The following TSHZ2 variants were observed in gnomAD, a reference collection of about 807,000 sequenced individuals.
The protein encoded by TSHZ2 is teashirt homolog 2.
In TSHZ2, 21 loss-of-function variants were observed where a neutral mutation model predicts 74.4. The ratio of observed to expected loss-of-function variants is 0.28; its 90% CI spans 0.20 to 0.41. TSHZ2 has a LOEUF of 0.41. TSHZ2 is among the 10% of genes least tolerant of loss of function. The pLI is 1.00. For synonymous variants in TSHZ2, 540 were observed against 515.3 expected, an observed-to-expected ratio of 1.05 and a Z score of -0.65; for missense variants, 1,244 against 1,293.5, an observed-to-expected ratio of 0.96 and a Z score of 0.59.
intron 1 of TSHZ2, among the ~76,000 whole-genome samples, chr20:52,975,586 C>G (rs2122856328): frequency 6.6e-6 from 1 of 151,886 alleles, no homozygotes. Flanking sequence ...TATTATATTC[C>G]TACTGTCTTT....
At position 53,270,053 on chromosome 20, in the gene TSHZ2, T is replaced by A. The variant is rs538863845; in HGVS notation, c.*8+13482T>A. On this transcript the variant is annotated intron_variant, in intron 2 of 2. Coordinates refer to ENST00000371497, the MANE Select transcript of TSHZ2 (RefSeq NM_173485.6). ...CATTTTTCAATAAAACTGGGAGCTA[T>A]GTAGGAATCTGGCCACAGTGAAATG... Among the ~76,000 whole-genome samples the A allele has an allele frequency of 2.0e-5, 3 of 152,284 alleles. No individual in the cohort carries two copies. In the East Asian group the frequency reaches 5.8e-4, roughly 30 times the overall value.
intron 2 of TSHZ2, among the ~76,000 whole-genome samples, chr20:53,332,663 C>T (rs532499108): frequency 7.2e-5 from 11 of 152,254 alleles, no homozygotes; most frequent in African/African-American, 1.9e-4. Flanking sequence ...CTAAGAAGCC[C>T]GAGTGTGCTA....
chr20:53,277,075 G>C (rs1483157774), intron 2 of TSHZ2, among the ~76,000 whole-genome samples: 1 of 152,168 alleles, frequency 6.6e-6, no homozygotes, highest in Admixed American at 6.5e-5. Flanking sequence ...AAGTTTGCTT[G>C]AGTCTGCTGA....
intron 1 of TSHZ2, among the ~76,000 whole-genome samples, chr20:53,135,007 GACACACAC>G (rs139347142): frequency 1.5e-4 from 22 of 148,716 alleles, no homozygotes; most frequent in South Asian, 1.1e-3. Flanking sequence ...TGCACATGCA[GACACACAC>G]ACACACACAC....
chr20:53,207,754 G>T (rs1177741940), intron 1 of TSHZ2, among the ~76,000 whole-genome samples: 1 of 151,826 alleles, frequency 6.6e-6, no homozygotes, highest in Non-Finnish European at 1.5e-5. Context: ...ATAGCTTACT[G>T]CAGCCCTGGG....
chr20:53,368,726 G>A (rs1981364584), intron 2 of TSHZ2, among the ~76,000 whole-genome samples: 1 of 152,184 alleles, frequency 6.6e-6, no homozygotes, highest in Non-Finnish European at 1.5e-5. Context: ...AAGATGCTCT[G>A]GGAGGTTTTC....
At chr20:53,303,073 G>A (rs1351804896) in intron 2 of TSHZ2, among the ~76,000 whole-genome samples, 1 of 152,184 alleles carries the variant, frequency 6.6e-6, no homozygotes, top group East Asian at 1.9e-4. Context: ...TTCAGATGTA[G>A]CGCTGCATTT....
At chr20:53,196,717 G>A (rs1988880237) in intron 1 of TSHZ2, among the ~76,000 whole-genome samples, 1 of 152,168 alleles carries the variant, frequency 6.6e-6, no homozygotes, top group African/African-American at 2.4e-5. Context: ...CACAACATGT[G>A]GGTCAGTGTT....
At chr20:53,340,018 A>G (rs1038638261) in intron 2 of TSHZ2, among the ~76,000 whole-genome samples, 8 of 152,014 alleles carry the variant, frequency 5.3e-5, no homozygotes, top group Admixed American at 2.0e-4. Context: ...TTGTCTCAAG[A>G]ATCTTGCTTT....
chr20:53,262,255 A>G (rs1295677262), intron 2 of TSHZ2, among the ~76,000 whole-genome samples: 1 of 150,766 alleles, frequency 6.6e-6, no homozygotes, highest in African/African-American at 2.4e-5. Context: ...AAAGCTTTCC[A>G]CGATGCTTTT....
chr20:53,300,344 T>C (rs967142466), intron 2 of TSHZ2, among the ~76,000 whole-genome samples: 2 of 152,226 alleles, frequency 1.3e-5, no homozygotes, highest in African/African-American at 4.8e-5. Flanking sequence ...ATATGGCTTT[T>C]AAGGTCAGAA....
chr20:53,122,871 C>T (rs1986850160), intron 1 of TSHZ2, among the ~76,000 whole-genome samples: 1 of 152,182 alleles, frequency 6.6e-6, no homozygotes, highest in Admixed American at 6.5e-5. Flanking sequence ...CACTCTCAAC[C>T]CCCACTTCTG....
At chr20:53,098,098 C>G (rs183808612) in intron 1 of TSHZ2, 24 of 152,206 alleles carry the variant, frequency 1.6e-4, no homozygotes, top group African/African-American at 5.5e-4. Context: ...AAACTCGGCT[C>G]CCACCATTCT....
At chr20:53,199,119 T>A (rs527810130) in intron 1 of TSHZ2, among the ~76,000 whole-genome samples, 1 of 152,322 alleles carries the variant, frequency 6.6e-6, no homozygotes, top group South Asian at 2.1e-4. Flanking sequence ...TACAAAGCCA[T>A]CGTTACAGAG....
chr20:53,290,468 G>GA (rs942825332), intron 2 of TSHZ2, among the ~76,000 whole-genome samples: 33 of 151,058 alleles, frequency 2.2e-4, no homozygotes, highest in African/African-American at 6.8e-4. Context: ...CAAACTACTA[G>GA]AAAAAAAAGG....
chr20:52,986,401 CA>C (rs34991984), intron 1 of TSHZ2, among the ~76,000 whole-genome samples: 10,947 of 120,604 alleles, frequency 0.091, 590 homozygotes, highest in African/African-American at 0.16. Context: ...AAGAATCCAT[CA>C]AAAAAAAAAA....
intron 1 of TSHZ2, among the ~76,000 whole-genome samples, chr20:53,027,204 T>C (rs1983477774): frequency 6.6e-6 from 1 of 152,194 alleles, no homozygotes; most frequent in African/African-American, 2.4e-5. Flanking sequence ...GCCAGAGCTG[T>C]GTTTATGGGT....
intron 1 of TSHZ2, among the ~76,000 whole-genome samples, chr20:53,233,119 T>C (rs1026861901): frequency 1.1e-4 from 16 of 152,232 alleles, no homozygotes; most frequent in Admixed American, 2.6e-4. Context: ...CTGGCAGCCA[T>C]TTTAAGATAC....
intron 1 of TSHZ2, among the ~76,000 whole-genome samples, chr20:53,117,985 G>A (rs1568767910): frequency 2.0e-5 from 3 of 152,212 alleles, no homozygotes; most frequent in Admixed American, 2.0e-4. Flanking sequence ...TTACAGTTGG[G>A]CCACATGGAG....
Sources: gnomAD v4.1 joint callset for allele counts (sites outside exome capture counted in the v4.1 genomes callset) on GRCh38, gnomAD v4.1.1 for gene constraint, MANE v1.5 for transcripts, NCBI Gene and HGNC (gene_info 2026-07-23, HGNC 2026-07-21) for gene names.